The following CTNNA2 variants were observed in gnomAD, a reference collection of about 807,000 sequenced individuals.
CTNNA2 encodes the protein catenin alpha 2, also known as catenin alpha-2.
A neutral mutation model predicts 101.0 loss-of-function variants in CTNNA2; 42 were observed. The ratio of observed to expected loss-of-function variants is 0.42; its 90% CI spans 0.32 to 0.54. CTNNA2 has a LOEUF of 0.54. Ranked by LOEUF, CTNNA2 falls within the 20% of genes least tolerant of loss-of-function variation. The pLI is 0.14. For synonymous variants in CTNNA2, 450 were observed against 456.4 expected (o/e 0.99, Z 0.18); for missense variants, 871 against 1,223.1 (o/e 0.71, Z 4.29).
intron 1 of CTNNA2, among the ~76,000 whole-genome samples, chr2:79,582,567 T>A (rs1362442513): frequency 6.6e-6 from 1 of 152,190 alleles, no homozygotes; most frequent in African/African-American, 2.4e-5. Context: ...CCTTACGAAA[T>A]GAAAAGTAAT....
intron 7 of CTNNA2, among the ~76,000 whole-genome samples, chr2:80,347,483 A>G (rs1672845843): frequency 1.3e-5 from 2 of 152,224 alleles, no homozygotes; most frequent in South Asian, 4.1e-4. Context: ...AGGAGCAGTC[A>G]CATGAACGAT....
intron 7 of CTNNA2, among the ~76,000 whole-genome samples, chr2:79,929,771 T>C (rs1687265186): frequency 2.6e-5 from 4 of 152,140 alleles, no homozygotes; most frequent in Admixed American, 2.6e-4. Context: ...AGTTTGGGCT[T>C]TTAGATGATC....
chr2:79,749,635 G>A (rs780887806), intron 3 of CTNNA2, among the ~76,000 whole-genome samples: 7 of 152,206 alleles, frequency 4.6e-5, no homozygotes, highest in Non-Finnish European at 1.0e-4. Context: ...TCAGGAAGGA[G>A]TCTTGTGAAA....
intron 7 of CTNNA2, among the ~76,000 whole-genome samples, chr2:80,190,012 GA>G (rs61262150): frequency 2.7e-4 from 40 of 150,792 alleles, no homozygotes; most frequent in South Asian, 2.1e-3. Context: ...GGAAATCCAT[GA>G]AAAAAAAATC....
At chr2:79,286,140 G>A (rs369781583) in intron 2 of CTNNA2, among the ~76,000 whole-genome samples, 7 of 151,920 alleles carry the variant, frequency 4.6e-5, no homozygotes, top group South Asian at 2.1e-4. Flanking sequence ...TTTTGAGCCT[G>A]TGTGTGTCTC....
intron 2 of CTNNA2, among the ~76,000 whole-genome samples, chr2:79,242,775 C>G (rs1208146495): frequency 6.6e-6 from 1 of 151,742 alleles, no homozygotes; most frequent in Non-Finnish European, 1.5e-5. Flanking sequence ...TGAGACAATC[C>G]TAGGCAACAT....
chr2:80,525,460 C>A (rs1009722371), intron 9 of CTNNA2, among the ~76,000 whole-genome samples: 1 of 152,038 alleles, frequency 6.6e-6, no homozygotes, highest in Non-Finnish European at 1.5e-5. Flanking sequence ...TCAAGTTCAG[C>A]GACTCTGAAT....
intron 7 of CTNNA2, among the ~76,000 whole-genome samples, chr2:80,133,412 A>G (rs1702518429): frequency 6.6e-6 from 1 of 152,188 alleles, no homozygotes; most frequent in Admixed American, 6.5e-5. Context: ...CAAACAAACA[A>G]ACAAACAAAA....
At chr2:79,682,897 CT>C (rs35366171) in intron 2 of CTNNA2, among the ~76,000 whole-genome samples, 2 of 152,264 alleles carry the variant, frequency 1.3e-5, no homozygotes, top group South Asian at 4.1e-4. Flanking sequence ...AGGAATATTA[CT>C]TTTCCTACTT....
chr2:79,579,794 A>G (rs1422522789), intron 1 of CTNNA2, among the ~76,000 whole-genome samples: 1 of 151,982 alleles, frequency 6.6e-6, no homozygotes, highest in Non-Finnish European at 1.5e-5. Flanking sequence ...TTGTATTTTT[A>G]GTAGAGACGG....
At chr2:79,669,832 C>T (rs775368370) in intron 2 of CTNNA2, among the ~76,000 whole-genome samples, 14 of 152,134 alleles carry the variant, frequency 9.2e-5, no homozygotes, top group Admixed American at 4.6e-4. Flanking sequence ...TTTTATTGAC[C>T]GCAGAGGGGA....
At chr2:80,511,337 T>C (rs1200123465) in intron 9 of CTNNA2, among the ~76,000 whole-genome samples, 1 of 152,230 alleles carries the variant, frequency 6.6e-6, no homozygotes, top group Non-Finnish European at 1.5e-5. Flanking sequence ...TTGAAGCCTT[T>C]ATCCAAAACA....
intron 4 of CTNNA2, among the ~76,000 whole-genome samples, chr2:79,374,529 T>C (rs922239926): frequency 2.6e-5 from 4 of 152,122 alleles, no homozygotes; most frequent in South Asian, 2.1e-4. Context: ...TATTTTTCTA[T>C]TGTGCTTCTT....
intron 14 of CTNNA2, among the ~76,000 whole-genome samples, chr2:80,588,816 T>A (rs917806005): frequency 3.3e-5 from 5 of 152,080 alleles, no homozygotes; most frequent in Admixed American, 2.0e-4. Flanking sequence ...TCACTTACAC[T>A]CATAGAAAGT....
intron 4 of CTNNA2, among the ~76,000 whole-genome samples, chr2:79,440,448 C>T (rs1678765161): frequency 6.6e-6 from 1 of 152,052 alleles, no homozygotes; most frequent in Admixed American, 6.6e-5. Flanking sequence ...AAGGAGAATC[C>T]TTATTTTTAA....
intron 7 of CTNNA2, among the ~76,000 whole-genome samples, chr2:80,373,671 C>G (rs1675658121): frequency 6.6e-6 from 1 of 152,094 alleles, no homozygotes; most frequent in Non-Finnish European, 1.5e-5. Context: ...CCTATAGCTG[C>G]CAATTTCTAA....
chr2:79,906,625 C>T (rs1413096190), intron 6 of CTNNA2, among the ~76,000 whole-genome samples: 4 of 152,128 alleles, frequency 2.6e-5, no homozygotes, highest in Middle Eastern at 3.2e-3. Flanking sequence ...TTGTCAAGCT[C>T]AATGTTTCAG....
At chr2:79,669,845 A>G (rs1458564871) in intron 2 of CTNNA2, among the ~76,000 whole-genome samples, 1 of 152,038 alleles carries the variant, frequency 6.6e-6, no homozygotes, top group Admixed American at 6.6e-5. Context: ...AGAGGGGAGG[A>G]AGTGCATGCC....
chr2:79,392,528 T>C (rs1012864327), intron 4 of CTNNA2, among the ~76,000 whole-genome samples: 1 of 152,214 alleles, frequency 6.6e-6, no homozygotes, highest in Non-Finnish European at 1.5e-5. Context: ...GTCGTTTTCA[T>C]CATTTAATCA....
Sources: allele counts gnomAD v4.1 joint callset (sites outside exome capture counted in the v4.1 genomes callset), GRCh38; gene constraint gnomAD v4.1.1; transcripts MANE v1.5; gene names NCBI Gene and HGNC (gene_info 2026-07-23, HGNC 2026-07-21).